FBXL7: variants seen among roughly 807,000 people sequenced by gnomAD.
FBXL7 encodes the protein F-box/LRR-repeat protein 7.
FBXL7 carries 12 observed loss-of-function variants against 38.3 expected under a neutral mutation model. The ratio of observed to expected loss-of-function variants is 0.31; its 90% confidence interval spans 0.20 to 0.51. The LOEUF (loss-of-function observed/expected upper bound fraction) is 0.51, where lower values mean the gene tolerates loss of function less well. Ranked by LOEUF, FBXL7 falls within the 20% of genes least tolerant of loss-of-function variation. FBXL7 has a pLI of 0.98. For missense variants in FBXL7, 567 were observed against 676.4 expected, an observed-to-expected ratio of 0.84 and a Z score of 1.79; for synonymous variants, 297 against 300.9, an observed-to-expected ratio of 0.99 and a Z score of 0.13.
chr5:15,877,931 T>C (rs1740279344), intron 2 of FBXL7, among the ~76,000 whole-genome samples: 1 of 152,184 alleles, frequency 6.6e-6, no homozygotes, highest in African/African-American at 2.4e-5. Context: ...TCTGTGTCTC[T>C]TCATACAGTT....
intron 2 of FBXL7, among the ~76,000 whole-genome samples, chr5:15,624,033 G>A (rs2126531484): frequency 6.6e-6 from 1 of 152,278 alleles, no homozygotes; most frequent in Non-Finnish European, 1.5e-5. Context: ...ATTTTTCTAA[G>A]TTCCTATCAA....
intron 2 of FBXL7, among the ~76,000 whole-genome samples, chr5:15,775,878 CAG>C (rs1736845128): frequency 6.6e-6 from 1 of 152,126 alleles, no homozygotes; most frequent in Admixed American, 6.6e-5. Flanking sequence ...GCTTTGAACA[CAG>C]GGGAGCTTCT....
intron 1 of FBXL7, among the ~76,000 whole-genome samples, chr5:15,518,782 C>T (rs985829296): frequency 6.6e-6 from 1 of 152,118 alleles, no homozygotes; most frequent in African/African-American, 2.4e-5. Flanking sequence ...AGACATCCCA[C>T]CCAGGATCTG....
Position 15,731,441 on chromosome 5 carries a change from A to G in FBXL7, c.127+115369A>G, listed in dbSNP as rs576249815. On this transcript the variant is annotated intron_variant, in intron 2 of 3. Transcript: ENST00000504595. ...CACTATCACAGGAACAGCATGGGAA[A>G]GACCGCCCCCCATGATTCAGTCATC... 2.0e-5 allele frequency among the ~76,000 whole-genome samples: 3 copies of G among 152,328 alleles called. No homozygotes were observed. The East Asian group carries it at 5.8e-4, about 29-fold the overall frequency.
At chr5:15,580,918 C>A in intron 1 of FBXL7, 1 of 685,960 alleles carries the variant, frequency 1.5e-6, no homozygotes, top group Non-Finnish European at 1.8e-6. Context: ...CCACTCTTAG[C>A]TAGCCGGGTG....
intron 2 of FBXL7, among the ~76,000 whole-genome samples, chr5:15,711,386 A>G (rs1743865259): frequency 6.6e-6 from 1 of 152,176 alleles, no homozygotes. Context: ...CCATGTGTCC[A>G]TGTCTTGTTA....
At chr5:15,715,489 C>CAAAA (rs1157372026) in intron 2 of FBXL7, among the ~76,000 whole-genome samples, 7 of 75,238 alleles carry the variant, frequency 9.3e-5, no homozygotes, top group Admixed American at 1.5e-4. Flanking sequence ...GACTCCGTCT[C>CAAAA]AAAAAAAAAA....
At chr5:15,676,455 C>T (rs1742658424) in intron 2 of FBXL7, among the ~76,000 whole-genome samples, 1 of 152,190 alleles carries the variant, frequency 6.6e-6, no homozygotes, top group African/African-American at 2.4e-5. Flanking sequence ...ATGGTTATGC[C>T]TTTCAAAAAC....
rs561324425 is a variant in FBXL7 at position 15,939,351 on chromosome 5, C to T, written c.*2165C>T. On this transcript the variant is annotated 3_prime_UTR_variant, in exon 4 of 4. Coordinates refer to ENST00000504595, the MANE Select transcript of FBXL7 (RefSeq NM_012304.5). ...ACAAAGGATTGTCCCTAATCCTTGG[C>T]CCTGGGGTCTTCCGAGTGAGCTGGT... The T allele has an allele frequency of 3.4e-6, 1 of 292,134 alleles. No individual in the cohort carries two copies. Among genetic ancestry groups the T allele is most frequent in the Non-Finnish European group, 6.3e-6 (1 of 159,178 alleles). The allele number at this position is 292,134 out of a possible 1,614,324, so 18.1% of individuals were successfully genotyped here.
In FBXL7 at chr5:15,792,802, C is replaced by G. The variant is rs551677522; in HGVS notation, c.128-135088C>G. The stretch of plus-strand genomic sequence containing the variant: ...AAGCAGTGGAGGGATGAGGCCCCCT[C>G]TCCTGCCACAGTAGCATAGACCAAG... On this transcript the variant is annotated intron_variant, in intron 2 of 3. Coordinates refer to ENST00000504595, the MANE Select transcript of FBXL7 (RefSeq NM_012304.5). 2.7e-3 allele frequency among the ~76,000 whole-genome samples: 408 copies of G among 152,310 alleles called. 2 individuals carry two copies. Among genetic ancestry groups the G allele is most frequent in the African/African-American group, 9.4e-3 (391 of 41,574 alleles).
At chr5:15,541,443 G>GTGTGTGTATATA (rs1264820921) in intron 1 of FBXL7, among the ~76,000 whole-genome samples, 6 of 38,426 alleles carry the variant, frequency 1.6e-4, no homozygotes, top group African/African-American at 5.6e-4. Flanking sequence ...GTGTGTGTGT[G>GTGTGTGTATATA]TATATATATA....
Position 15,927,914 on chromosome 5 carries a change from T to A in FBXL7, c.152T>A (p.Leu51Gln). 6.5e-7 allele frequency: 1 copy of A among 1,532,516 alleles called. No individual in the cohort carries two copies. The highest frequency in any genetic ancestry group is 8.8e-7 in the Non-Finnish European group (1 of 1,139,948). 94.9% of individuals were successfully genotyped at this position (1,532,516 alleles called of 1,614,324 possible). The change falls in exon 3 of 4, where the codon CTG becomes CAG. Residue 51 changes from leucine (L) to glutamine (Q), a missense_variant. By Grantham distance (113) the Leu-to-Gln change is moderately radical. Transcript: ENST00000504595. ...GACTCCGACCTGAGCATGCGCACAC[T>A]GAGCACGCCCAGCCCAGCCCTGATA... ...SEDSDLSMRT[L>Q]STPSPALICP...
chr5:15,769,115 G>A (rs1031572385), intron 2 of FBXL7, among the ~76,000 whole-genome samples: 2 of 152,140 alleles, frequency 1.3e-5, no homozygotes, highest in Non-Finnish European at 2.9e-5. Context: ...TGCATTGTCC[G>A]CTGTCTTCCC....
chr5:15,915,303 C>CA (rs1309300565), intron 2 of FBXL7, among the ~76,000 whole-genome samples: 3 of 152,210 alleles, frequency 2.0e-5, no homozygotes, highest in Non-Finnish European at 4.4e-5. Context: ...TTTATTGTCT[C>CA]ACAGTTCTAG....
chr5:15,813,995 C>T (rs1194616431), intron 2 of FBXL7, among the ~76,000 whole-genome samples: 1 of 152,156 alleles, frequency 6.6e-6, no homozygotes, highest in Non-Finnish European at 1.5e-5. Flanking sequence ...TAAATTAGTT[C>T]AGCCATTGTG....
chr5:15,768,298 G>A (rs1023578022), intron 2 of FBXL7, among the ~76,000 whole-genome samples: 12 of 152,222 alleles, frequency 7.9e-5, no homozygotes, highest in East Asian at 1.9e-4. Context: ...TTGGGAGGCC[G>A]AGGCAGGTGG....
Position 15,877,508 on chromosome 5 carries a change from A to G in FBXL7, c.128-50382A>G, listed in dbSNP as rs184148753. Among the ~76,000 whole-genome samples the G allele has an allele frequency of 8.5e-4, 129 of 152,306 alleles. 1 individual carries two copies. The highest frequency in any genetic ancestry group is 1.6e-3 in the Non-Finnish European group (107 of 68,014). On this transcript the variant is annotated intron_variant, in intron 2 of 3. Coordinates refer to ENST00000504595, the MANE Select transcript of FBXL7 (RefSeq NM_012304.5). ...GCAGTTGGGATGATACAAACAGCCTATCTTTGTCATTCTAATTTTTTGCTG... is the reference window on the plus strand; with the variant it reads ...GCAGTTGGGATGATACAAACAGCCTGTCTTTGTCATTCTAATTTTTTGCTG...
At chr5:15,555,794 G>A (rs12518819) in intron 1 of FBXL7, among the ~76,000 whole-genome samples, 116 of 65,172 alleles carry the variant, frequency 1.8e-3, no homozygotes, top group Middle Eastern at 0.016. Flanking sequence ...GAGATAGATA[G>A]ATAGATAGAT....
rs770453125 is a variant in FBXL7 at position 15,936,703 on chromosome 5, C to T, written c.993C>T (p.Val331=). The T allele has an allele frequency of 1.3e-5, 21 of 1,608,110 alleles. No individual in the cohort carries two copies. The highest frequency in any genetic ancestry group is 1.7e-5 in the Non-Finnish European group (20 of 1,179,560). Residue 331 remains valine (V), a synonymous_variant, in exon 4 of 4, where the codon GTC becomes GTT. Transcript: ENST00000504595. This position sits in a 1 kb window ranked among gnomAD's most constrained non-coding sequence, Gnocchi z 6.0. The stretch of plus-strand genomic sequence containing the variant: ...GCGCCTCCATCAAGGAGCTGAGCGT[C>T]AGCGACTGCCGCTTCGTCAGCGACT... The part of the protein sequence containing the change: ...IYCASIKELS[V]SDCRFVSDFG...
Sources: allele counts gnomAD v4.1 joint callset (sites outside exome capture counted in the v4.1 genomes callset), GRCh38; gene constraint gnomAD v4.1.1; non-coding constraint Gnocchi (gnomAD v3.1); transcripts MANE v1.5; gene names NCBI Gene and HGNC (gene_info 2026-07-23, HGNC 2026-07-21).